NALF1: variants seen among roughly 807,000 people sequenced by gnomAD.
NALF1 encodes the protein family with sequence similarity 155 member A.
Under a neutral mutation model 48.4 loss-of-function variants are expected in NALF1, and 3 were observed. The ratio of observed to expected loss-of-function variants is 0.06; its 90% CI spans 0.03 to 0.16. The LOEUF is 0.16. Ranked by LOEUF, NALF1 falls within the 10% of genes least tolerant of loss-of-function variation. NALF1 has a pLI of 1.00. For synonymous variants in NALF1, 262 were observed against 245.7 expected, an observed-to-expected ratio of 1.07 and a Z score of -0.62; for missense variants, 526 against 571.5, an observed-to-expected ratio of 0.92 and a Z score of 0.81.
intron 1 of NALF1, among the ~76,000 whole-genome samples, chr13:107,684,931 T>C (rs183115480): frequency 9.8e-5 from 15 of 152,330 alleles, no homozygotes; most frequent in Admixed American, 3.3e-4. Context: ...CCATTGCTAA[T>C]TGGGGCTTCA....
chr13:107,356,315 TACA>T (rs1882963047), intron 1 of NALF1, among the ~76,000 whole-genome samples: 2 of 152,318 alleles, frequency 1.3e-5, no homozygotes, highest in South Asian at 2.1e-4. Context: ...AATGTAAATC[TACA>T]ACAACATAAG....
intron 1 of NALF1, among the ~76,000 whole-genome samples, chr13:107,765,612 G>A (rs1028073163): frequency 6.6e-6 from 1 of 152,090 alleles, no homozygotes; most frequent in Non-Finnish European, 1.5e-5. Flanking sequence ...AGATTTAAAA[G>A]TGAAATTGTT....
chr13:107,764,266 T>C (rs1386678171), intron 1 of NALF1, among the ~76,000 whole-genome samples: 1 of 152,172 alleles, frequency 6.6e-6, no homozygotes, highest in African/African-American at 2.4e-5. Context: ...TAACATTAGA[T>C]ACTGTAACAC....
At chr13:107,268,401 T>A (rs772080908) in intron 1 of NALF1, among the ~76,000 whole-genome samples, 1 of 150,066 alleles carries the variant, frequency 6.7e-6, no homozygotes, top group Non-Finnish European at 1.5e-5. Flanking sequence ...AAGCTACCTA[T>A]GTGATAAAAT....
At chr13:107,712,056 T>C (rs896214550) in intron 1 of NALF1, among the ~76,000 whole-genome samples, 2 of 152,106 alleles carry the variant, frequency 1.3e-5, no homozygotes, top group Admixed American at 1.3e-4. Flanking sequence ...AAAACCATGA[T>C]TATATCAAAT....
At chr13:107,678,280 C>G (rs1322341458) in intron 1 of NALF1, among the ~76,000 whole-genome samples, 1 of 152,110 alleles carries the variant, frequency 6.6e-6, no homozygotes, top group African/African-American at 2.4e-5. Context: ...GTATGGCCGG[C>G]AGGAGGTGTG....
intron 1 of NALF1, among the ~76,000 whole-genome samples, chr13:107,724,209 G>C (rs368017718): frequency 1.3e-5 from 2 of 151,802 alleles, no homozygotes; most frequent in East Asian, 1.9e-4. Flanking sequence ...TCCCTTTTAA[G>C]ATCTGCTTTT....
intron 1 of NALF1, among the ~76,000 whole-genome samples, chr13:107,748,895 G>C (rs866179567): frequency 7.6e-4 from 115 of 152,222 alleles, no homozygotes; most frequent in African/African-American, 2.5e-3. Context: ...ACTTAGCTGT[G>C]GGGAATGGGC....
At chr13:107,235,220 CTAT>C (rs1204805153) in intron 1 of NALF1, among the ~76,000 whole-genome samples, 1 of 152,162 alleles carries the variant, frequency 6.6e-6, no homozygotes, top group Non-Finnish European at 1.5e-5. Context: ...CACTGTCTTC[CTAT>C]TATTCAAGTT....
At chr13:107,328,726 A>G (rs983297624) in intron 1 of NALF1, among the ~76,000 whole-genome samples, 1 of 152,230 alleles carries the variant, frequency 6.6e-6, no homozygotes, top group Admixed American at 6.5e-5. Flanking sequence ...TAGAAGAATA[A>G]CCTTGCAATC....
intron 1 of NALF1, among the ~76,000 whole-genome samples, chr13:107,497,898 T>C (rs907197795): frequency 6.6e-6 from 1 of 152,182 alleles, no homozygotes; most frequent in East Asian, 1.9e-4. Flanking sequence ...AAATCTGCCA[T>C]ATGCATGCAG....
At chr13:107,853,525 T>C (rs958099349) in intron 1 of NALF1, among the ~76,000 whole-genome samples, 1 of 152,306 alleles carries the variant, frequency 6.6e-6, no homozygotes. Context: ...TTGCTACTTT[T>C]ATGAAACAAT....
intron 1 of NALF1, among the ~76,000 whole-genome samples, chr13:107,760,159 T>G (rs993297741): frequency 6.6e-6 from 1 of 152,222 alleles, no homozygotes; most frequent in Non-Finnish European, 1.5e-5. Context: ...TTGTGAAATA[T>G]GTACAGAGTT....
At chr13:107,173,894 C>T (rs2138765831) in intron 2 of NALF1, among the ~76,000 whole-genome samples, 1 of 152,144 alleles carries the variant, frequency 6.6e-6, no homozygotes, top group South Asian at 2.1e-4. Context: ...ATTTTCTTAC[C>T]TCTGCTGTTA....
At chr13:107,407,419 G>A (rs1341696411) in intron 1 of NALF1, among the ~76,000 whole-genome samples, 1 of 151,902 alleles carries the variant, frequency 6.6e-6, no homozygotes, top group Non-Finnish European at 1.5e-5. Flanking sequence ...GGAAAAACAT[G>A]TAATAATCTG....
At chr13:107,610,381 G>A (rs942880864) in intron 1 of NALF1, among the ~76,000 whole-genome samples, 3 of 152,096 alleles carry the variant, frequency 2.0e-5, no homozygotes, top group African/African-American at 7.2e-5. Flanking sequence ...TGGATGAATA[G>A]ATGATTTAAA....
At chr13:107,263,286 ACACAC>A (rs970213716) in intron 1 of NALF1, among the ~76,000 whole-genome samples, 6 of 151,428 alleles carry the variant, frequency 4.0e-5, no homozygotes, top group Admixed American at 2.6e-4. Context: ...ACACACACAC[ACACAC>A]ATCTCAGTGG....
At chr13:107,532,128 C>A (rs1171151734) in intron 1 of NALF1, among the ~76,000 whole-genome samples, 3 of 152,052 alleles carry the variant, frequency 2.0e-5, no homozygotes, top group Admixed American at 6.6e-5. Flanking sequence ...GTGCTAGGTT[C>A]TCCTCCAAGT....
chr13:107,786,616 C>T (rs1260153953), intron 1 of NALF1, among the ~76,000 whole-genome samples: 1 of 151,420 alleles, frequency 6.6e-6, no homozygotes, highest in Non-Finnish European at 1.5e-5. Flanking sequence ...CCTGTAATCC[C>T]AGCTACTCGG....
Sources: allele counts gnomAD v4.1 joint callset (sites outside exome capture counted in the v4.1 genomes callset), GRCh38; gene constraint gnomAD v4.1.1; transcripts MANE v1.5; gene names NCBI Gene and HGNC (gene_info 2026-07-23, HGNC 2026-07-21).